Variants in DMD observed in about 807,000 individuals in gnomAD.
DMD encodes dystrophin, also known as mutant dystrophin.
DMD carries 63 observed loss-of-function variants against 330.1 expected under a neutral mutation model. The observed-to-expected ratio is 0.19, with a 90% CI of 0.16 to 0.24. The LOEUF (loss-of-function observed/expected upper bound fraction) is 0.24, where lower values mean the gene tolerates loss of function less well. DMD is among the 10% of genes least tolerant of loss of function. DMD has a pLI of 1.00. For synonymous variants in DMD, 1,223 were observed against 959.8 expected (o/e 1.27, Z -5.07); for missense variants, 3,344 against 2,684.1 (o/e 1.25, Z -5.43).
intron 7 of DMD, among the ~76,000 whole-genome samples, chrX:32,725,781 A>G (rs1252638728): frequency 9.0e-6 from 1 of 111,179 alleles, no homozygotes; most frequent in Non-Finnish European, 1.9e-5. Context: ...CGAGCACAGC[A>G]AGGTGACTAT....
rs370160868 is a variant in DMD at position 31,679,663 on chromosome X, G to A, written c.7661-77C>T. On this transcript the variant is annotated intron_variant, in intron 52 of 78. Transcript: ENST00000357033. ...GACATTTTAAATGTAACTTCCAAAC[G>A]TTATCTCACATTTATGTTGCTTATT... The A allele has an allele frequency of 4.5e-4, 379 of 835,876 alleles. 3 individuals carry two copies. The African/African-American group carries it at 5.6e-3, about 12-fold the overall frequency. The allele number at this position is 835,876 out of a possible 1,213,427, so 68.9% of individuals were successfully genotyped here.
At chrX:32,381,027 T>A (rs2097922735) in intron 33 of DMD, among the ~76,000 whole-genome samples, 1 of 111,313 alleles carries the variant, frequency 9.0e-6, no homozygotes, top group Non-Finnish European at 1.9e-5. Flanking sequence ...GAAAACTTAC[T>A]GTCATGTGTC....
rs2078193421 is a variant in DMD at position 32,820,976 on chromosome X, T to TCCCAGC, written c.357+2318_357+2319insGCTGGG. On this transcript the variant is annotated intron_variant, in intron 5 of 78. Coordinates refer to ENST00000357033, the MANE Select transcript of DMD (RefSeq NM_004006.3). ...GTACTGAGCAACATATGAAAAGCAG[T>TCCCAGC]TTGGGGAGAGATGCGGTATGTTGCT... Among the ~76,000 whole-genome samples the TCCCAGC allele has an allele frequency of 3.6e-5, 4 of 111,074 alleles. No individual in the cohort carries two copies. The East Asian group carries it at 1.2e-3, about 34-fold the overall frequency.
chrX:33,002,975 C>G (rs373432602), intron 2 of DMD, among the ~76,000 whole-genome samples: 2 of 109,001 alleles, frequency 1.8e-5, no homozygotes, highest in African/African-American at 6.7e-5. Context: ...CTTCCTTTTC[C>G]TAATTTTTCA....
chrX:32,320,520 C>T (rs1343447243), intron 41 of DMD, among the ~76,000 whole-genome samples: 1 of 111,081 alleles, frequency 9.0e-6, no homozygotes, highest in Admixed American at 9.6e-5. Flanking sequence ...AGATATAGAA[C>T]ATTGCCATCA....
chrX:31,739,709 T>C (rs1483161994), intron 51 of DMD, among the ~76,000 whole-genome samples: 1 of 109,232 alleles, frequency 9.2e-6, no homozygotes, highest in Admixed American at 9.9e-5. Flanking sequence ...CAAACCACCA[T>C]GATACATGTA....
intron 44 of DMD, among the ~76,000 whole-genome samples, chrX:32,129,365 A>G (rs937574932): frequency 2.7e-5 from 3 of 111,276 alleles, no homozygotes; most frequent in Middle Eastern, 4.7e-3. Context: ...ATAGTTACCA[A>G]TGCTTGATAC....
intron 55 of DMD, among the ~76,000 whole-genome samples, chrX:31,579,352 G>T (rs181833869): frequency 1.8e-4 from 20 of 112,278 alleles, no homozygotes; most frequent in Middle Eastern, 4.6e-3. Context: ...CAAAGAGTTC[G>T]CTAGAGCCAT....
chrX:32,738,181 G>T (rs2068769073), intron 7 of DMD, among the ~76,000 whole-genome samples: 1 of 111,665 alleles, frequency 9.0e-6, no homozygotes, highest in Non-Finnish European at 1.9e-5. Flanking sequence ...CATTTTCTAG[G>T]CATCCAATAA....
chrX:32,909,241 A>G (rs1212305643), intron 2 of DMD, among the ~76,000 whole-genome samples: 1 of 110,631 alleles, frequency 9.0e-6, no homozygotes, highest in African/African-American at 3.3e-5. Context: ...TATCTGCCAT[A>G]AAGAATAGTT....
At chrX:32,910,197 G>A (rs1191812392) in intron 2 of DMD, among the ~76,000 whole-genome samples, 6 of 111,644 alleles carry the variant, frequency 5.4e-5, no homozygotes, top group African/African-American at 2.0e-4. Flanking sequence ...GAACAAAAAG[G>A]TTTTCCAGAC....
At chrX:31,944,608 G>A (rs1458525202) in intron 45 of DMD, among the ~76,000 whole-genome samples, 1 of 105,163 alleles carries the variant, frequency 9.5e-6, no homozygotes, top group Non-Finnish European at 1.9e-5. Context: ...CTCCCGAGTA[G>A]CTGGGACTAC....
chrX:31,349,063 A>T (rs2058250763), intron 60 of DMD, among the ~76,000 whole-genome samples: 1 of 112,476 alleles, frequency 8.9e-6, no homozygotes, highest in Non-Finnish European at 1.9e-5. Context: ...ACAAATTTTT[A>T]AAGAAGCAAT....
At chrX:31,374,434 A>G (rs756211055) in intron 60 of DMD, among the ~76,000 whole-genome samples, 1 of 110,258 alleles carries the variant, frequency 9.1e-6, no homozygotes, top group African/African-American at 3.3e-5. Context: ...AATGTCCAAC[A>G]ATGATAGGCT....
chrX:33,058,917 T>C (rs886952965), intron 1 of DMD, among the ~76,000 whole-genome samples: 5 of 111,905 alleles, frequency 4.5e-5, no homozygotes, highest in African/African-American at 1.6e-4. Context: ...TTTTAAAAAA[T>C]GGGTTGTCTT....
At chrX:31,176,799 C>A (rs2040553200) in intron 71 of DMD, among the ~76,000 whole-genome samples, 3 of 111,092 alleles carry the variant, frequency 2.7e-5, no homozygotes, top group South Asian at 7.6e-4. Flanking sequence ...GCTACCATAT[C>A]TCAAAATTAA....
chrX:33,133,269 C>T (rs1173371846), intron 1 of DMD, among the ~76,000 whole-genome samples: 1 of 111,358 alleles, frequency 9.0e-6, no homozygotes, highest in East Asian at 2.8e-4. Context: ...CAGGGAACAA[C>T]GTAGACTTCG....
At chrX:31,212,160 A>ATG (rs1165417330) in intron 64 of DMD, among the ~76,000 whole-genome samples, 25 of 87,281 alleles carry the variant, frequency 2.9e-4, no homozygotes, top group Non-Finnish European at 5.1e-4. Flanking sequence ...ATATATATAT[A>ATG]TATATATGTG....
intron 37 of DMD, among the ~76,000 whole-genome samples, chrX:32,360,087 T>A (rs1185225275): frequency 9.0e-6 from 1 of 111,556 alleles, no homozygotes. Context: ...TCTGGTGAGA[T>A]TACCTTCTAA....
Sources: gnomAD v4.1 joint callset for allele counts (sites outside exome capture counted in the v4.1 genomes callset) on GRCh38, gnomAD v4.1.1 for gene constraint, MANE v1.5 for transcripts, NCBI Gene and HGNC (gene_info 2026-07-23, HGNC 2026-07-21) for gene names.